Variants in HEATR5B observed in about 807,000 individuals in gnomAD.
HEATR5B encodes HEAT repeat-containing protein 5B.
HEATR5B carries 156 observed loss-of-function variants against 224.1 expected under a neutral mutation model. The observed-to-expected ratio is 0.70, with a 90% CI of 0.61 to 0.80. The LOEUF is 0.80. Among genes scored for constraint, HEATR5B ranks in the 30% least tolerant of loss-of-function variants. HEATR5B has a pLI of 0.00. For synonymous variants in HEATR5B, 1,027 were observed against 893.0 expected (o/e 1.15, Z -2.68); for missense variants, 2,323 against 2,535.5 (o/e 0.92, Z 1.80).
At position 37,011,452 on chromosome 2, in the gene HEATR5B, C is replaced by G. The variant is rs142333074; in HGVS notation, c.4284+2389G>C. 2.0e-5 allele frequency among the ~76,000 whole-genome samples: 3 copies of G among 152,148 alleles called. No individual in the cohort carries two copies. In the South Asian group the frequency reaches 6.2e-4, roughly 32 times the overall value. ...TACGGTCTATGTATGCATTTTTCCT[C>G]GACTTATAATTTTATTTTAATAATT... On this transcript the variant is annotated intron_variant, in intron 27 of 35. Coordinates refer to ENST00000233099, the MANE Select transcript of HEATR5B (RefSeq NM_019024.3).
chr2:37,010,847 A>G (rs1667740252), intron 27 of HEATR5B, among the ~76,000 whole-genome samples: 1 of 151,998 alleles, frequency 6.6e-6, no homozygotes, highest in African/African-American at 2.4e-5. Flanking sequence ...CCATTCATTC[A>G]TCAAATCCTT....
chr2:37,026,866 T>C (rs2148457168), intron 24 of HEATR5B, among the ~76,000 whole-genome samples: 1 of 152,326 alleles, frequency 6.6e-6, no homozygotes, highest in East Asian at 1.9e-4. Context: ...TGGCGTGATC[T>C]CAGCTCACTG....
chr2:37,057,361 C>T lies in HEATR5B; in HGVS notation c.2179G>A (p.Gly727Ser). Residue 727 changes from glycine (G) to serine (S), a missense_variant, in exon 15 of 36, where the codon GGT becomes AGT. Gly to Ser is a moderately conservative substitution (Grantham distance 56). Coordinates refer to ENST00000233099, the MANE Select transcript of HEATR5B (RefSeq NM_019024.3). ...TGATCAGTTTCCTGAAGCCAAGAAC[C>T]AAGAAGAACACTATCATCATAATGG... ...LCHYDDSVLL[G>S]SWLQETDHKS... 1 of 1,610,266 alleles carries T rather than the reference C, an allele frequency of 6.2e-7. No individual in the cohort carries two copies. The highest frequency in any genetic ancestry group is 1.1e-5 in the South Asian group (1 of 90,102).
At chr2:37,013,290 T>C (rs1035172051) in intron 27 of HEATR5B, among the ~76,000 whole-genome samples, 6 of 152,200 alleles carry the variant, frequency 3.9e-5, no homozygotes, top group Non-Finnish European at 7.3e-5. Context: ...AAGAATTCAA[T>C]AGTAACTGGC....
chr2:37,057,309 T>A lies in HEATR5B; in HGVS notation c.2223+8A>T. On this transcript the variant is annotated splice_region_variant and intron_variant, in intron 15 of 35. Coordinates refer to ENST00000233099, the MANE Select transcript of HEATR5B (RefSeq NM_019024.3). Reference sequence around the variant, plus strand: ...AGTTAGTATTTCATTTTCCTCTATGTTTATTACCTGGTCTTCAATTGATTT... The same window carrying A: ...AGTTAGTATTTCATTTTCCTCTATGATTATTACCTGGTCTTCAATTGATTT... 6.3e-7 allele frequency: 1 copy of A among 1,591,464 alleles called. No homozygotes were observed. The highest frequency in any genetic ancestry group is 8.5e-7 in the Non-Finnish European group (1 of 1,170,064).
intron 5 of HEATR5B, among the ~76,000 whole-genome samples, chr2:37,073,324 T>A (rs1356524248): frequency 6.6e-6 from 1 of 152,164 alleles, no homozygotes; most frequent in Non-Finnish European, 1.5e-5. Context: ...TTCACCACAT[T>A]AGCAAACTAA....
At chr2:36,988,453 G>C (rs1157312229) in intron 35 of HEATR5B, among the ~76,000 whole-genome samples, 193 bp downstream of exon 35, 1 of 152,006 alleles carries the variant, frequency 6.6e-6, no homozygotes, top group African/African-American at 2.4e-5. Context: ...GTAGAGATCA[G>C]GTTTCACTAT....
chr2:37,016,124 T>G (rs1268121724), intron 26 of HEATR5B, among the ~76,000 whole-genome samples: 1 of 150,270 alleles, frequency 6.7e-6, no homozygotes, highest in Non-Finnish European at 1.5e-5. Context: ...TTTTTTTTTT[T>G]TTTTTTGAGA....
At chr2:37,045,959 CCT>C (rs945025759) in intron 18 of HEATR5B, among the ~76,000 whole-genome samples, 4 of 151,914 alleles carry the variant, frequency 2.6e-5, no homozygotes, top group Non-Finnish European at 5.9e-5. Flanking sequence ...AAATACAGTC[CCT>C]GTTATTCCAC....
intron 8 of HEATR5B, among the ~76,000 whole-genome samples, chr2:37,067,571 C>A (rs1434036923): frequency 6.6e-6 from 1 of 152,042 alleles, no homozygotes; most frequent in African/African-American, 2.4e-5. Context: ...GAGTTTGAGA[C>A]CAGCCTGGCC....
At position 37,065,980 on chromosome 2, in the gene HEATR5B, A is replaced by G. The variant is rs1310048269; in HGVS notation, c.1178-70T>C. 2.0e-5 allele frequency: 29 copies of G among 1,420,318 alleles called. No individual in the cohort carries two copies. The African/African-American group carries it at 3.4e-4, about 17-fold the overall frequency. 88.0% of individuals were successfully genotyped at this position (1,420,318 alleles called of 1,614,324 possible). A position where few individuals can be genotyped will look rare whatever the true frequency, so the allele number is the denominator to read the frequency against. ...TGGTATGATTTTTTTGGTCTATACAATTTATGATTTTAGCCATACCAGTTG... is the reference window on the plus strand; with the variant it reads ...TGGTATGATTTTTTTGGTCTATACAGTTTATGATTTTAGCCATACCAGTTG... On this transcript the variant is annotated intron_variant, in intron 8 of 35. Coordinates refer to ENST00000233099, the MANE Select transcript of HEATR5B (RefSeq NM_019024.3).
intron 2 of HEATR5B, among the ~76,000 whole-genome samples, chr2:37,082,059 T>TA (rs1164653824): frequency 1.8e-5 from 1 of 55,252 alleles, no homozygotes; most frequent in Non-Finnish European, 3.8e-5. Context: ...CTACTTTTTT[T>TA]TTTTTTTTTT....
chr2:37,037,629 C>T (rs1669581867), intron 21 of HEATR5B, among the ~76,000 whole-genome samples: 1 of 151,966 alleles, frequency 6.6e-6, no homozygotes, highest in Non-Finnish European at 1.5e-5. Flanking sequence ...TTTAATTGTA[C>T]ATTTTAAAAT....
At chr2:37,081,009 A>C (rs994420513) in intron 2 of HEATR5B, among the ~76,000 whole-genome samples, 2 of 152,208 alleles carry the variant, frequency 1.3e-5, no homozygotes, top group African/African-American at 2.4e-5. Context: ...GTATTTATCA[A>C]TTTCAGAACA....
At chr2:36,984,237 T>TATAA (rs1217602304) in intron 35 of HEATR5B, among the ~76,000 whole-genome samples, 36 of 111,854 alleles carry the variant, frequency 3.2e-4, no homozygotes, top group Non-Finnish European at 5.6e-4. Flanking sequence ...TATATATATA[T>TATAA]AAAACTGGAA....
At position 36,990,730 on chromosome 2, in the gene HEATR5B, C is replaced by T. The variant is rs775074536; in HGVS notation, c.5615G>A (p.Ser1872Asn). The T allele has an allele frequency of 2.5e-5, 41 of 1,612,090 alleles. No homozygotes were observed. The South Asian group carries it at 2.6e-4, about 10-fold the overall frequency. Reference sequence around the variant, plus strand: ...TGACTGGACTCCTATTATTTCATTACTAGCAGACCACAGGAAGAGTGCAAT... The same window carrying T: ...TGACTGGACTCCTATTATTTCATTATTAGCAGACCACAGGAAGAGTGCAAT... ...TAIALFLWSASNEIIGVQSLQ... is the reference protein window; with the variant it reads ...TAIALFLWSANNEIIGVQSLQ... Residue 1872 changes from serine to asparagine, a missense_variant, in exon 34 of 36, where the codon AGT becomes AAT. Ser to Asn is a conservative substitution (Grantham distance 46). Around this residue, in one of 12 missense-constraint regions of HEATR5B, gnomAD observed 844 missense variants for 812.9 expected, o/e 1.04. Coordinates refer to ENST00000233099, the MANE Select transcript of HEATR5B (RefSeq NM_019024.3).
Position 37,006,413 on chromosome 2 carries a change from G to A in HEATR5B, c.4777+637C>T, listed in dbSNP as rs144563889. Among the ~76,000 whole-genome samples the A allele has an allele frequency of 2.6e-5, 4 of 152,318 alleles. No homozygotes were observed. The East Asian group carries it at 7.7e-4, about 29-fold the overall frequency. ...TGTAATCTCAGCACCCAGCCGAGGT[G>A]GGTGGATCACCTGAGGTCAGGAGTT... On this transcript the variant is annotated intron_variant, in intron 29 of 35. Coordinates refer to ENST00000233099, the MANE Select transcript of HEATR5B (RefSeq NM_019024.3).
chr2:37,015,357 T>C (rs140480078), intron 26 of HEATR5B, among the ~76,000 whole-genome samples: 1 of 152,322 alleles, frequency 6.6e-6, no homozygotes, highest in Non-Finnish European at 1.5e-5. Context: ...TTCCAGTACT[T>C]CTGTATAAGA....
intron 24 of HEATR5B, among the ~76,000 whole-genome samples, chr2:37,022,958 C>A (rs1231905824): frequency 2.0e-5 from 3 of 150,466 alleles, no homozygotes; most frequent in African/African-American, 7.4e-5. Context: ...TGTCTCACAA[C>A]AAAGAGAGAG....
Sources: gnomAD v4.1 joint callset for allele counts (sites outside exome capture counted in the v4.1 genomes callset) on GRCh38, gnomAD v4.1.1 for gene constraint, gnomAD v4.1.1 regional missense constraint, MANE v1.5 for transcripts, NCBI Gene and HGNC (gene_info 2026-07-23, HGNC 2026-07-21) for gene names.